Variants in ATP11B observed in about 807,000 individuals in gnomAD.
ATP11B encodes ATPase phospholipid transporting 11B (putative).
ATP11B carries 81 observed loss-of-function variants against 157.8 expected under a neutral mutation model. That is an observed-to-expected ratio of 0.51 (90% CI 0.43 to 0.62). The LOEUF (loss-of-function observed/expected upper bound fraction) is 0.62, where lower values mean the gene tolerates loss of function less well. Among genes scored for constraint, ATP11B ranks in the 20% least tolerant of loss-of-function variants. ATP11B has a pLI of 0.00. For synonymous variants in ATP11B, 451 were observed against 469.4 expected (o/e 0.96, Z 0.51); for missense variants, 1,165 against 1,402.2 (o/e 0.83, Z 2.70).
chr3:182,894,852 T>C (rs1032463950), intron 25 of ATP11B, among the ~76,000 whole-genome samples: 3 of 151,688 alleles, frequency 2.0e-5, no homozygotes, highest in African/African-American at 7.3e-5. Context: ...GGCACATGGC[T>C]CATACCTATA....
rs114953844 is a variant in ATP11B, at chr3:182,904,656, G to A, written c.3318+5884G>A. Reference sequence around the variant, plus strand: ...TAATCCCAGCATTTTGGGAGGCCAAGATGGGTGGATCCCTTAAGGTCAAGA... The same window carrying A: ...TAATCCCAGCATTTTGGGAGGCCAAAATGGGTGGATCCCTTAAGGTCAAGA... On this transcript the variant is annotated intron_variant, in intron 28 of 29. Transcript: ENST00000323116. Among the ~76,000 whole-genome samples, 1,461 of 152,306 alleles carry A rather than the reference G, an allele frequency of 9.6e-3. 25 individuals carry two copies. Among genetic ancestry groups the A allele is most frequent in the African/African-American group, 0.033 (1,387 of 41,580 alleles).
In ATP11B at chr3:182,793,669, G is replaced by C; in HGVS notation, c.-91G>C. The C allele has an allele frequency of 1.2e-6, 1 of 851,134 alleles. No homozygotes were observed. The highest frequency in any genetic ancestry group is 1.7e-6 in the Non-Finnish European group (1 of 594,748). 52.7% of individuals were successfully genotyped at this position (851,134 alleles called of 1,614,324 possible). The stretch of plus-strand genomic sequence containing the variant: ...GGTAAGCGGAACTTCGGCCCGAGGG[G>C]CTCGCCCGCTCCCGCCTCTGTCTTG... On this transcript the variant is annotated 5_prime_UTR_variant, in exon 1 of 30. Transcript: ENST00000323116.
At chr3:182,864,964 A>G (rs920238759) in intron 12 of ATP11B, among the ~76,000 whole-genome samples, 2 of 151,858 alleles carry the variant, frequency 1.3e-5, no homozygotes, top group Admixed American at 6.6e-5. Flanking sequence ...CTCAGTTTCA[A>G]CTTCTCTCTG....
chr3:182,848,972 T>C (rs1719755356), intron 10 of ATP11B, among the ~76,000 whole-genome samples: 2 of 152,186 alleles, frequency 1.3e-5, no homozygotes, highest in South Asian at 4.1e-4. Flanking sequence ...CTGAGGGCAC[T>C]CCCCAGTTTA....
intron 23 of ATP11B, 142 bp from the exon 24 acceptor site, chr3:182,887,444 A>T (rs529526259): frequency 6.8e-6 from 4 of 584,764 alleles, no homozygotes; most frequent in Non-Finnish European, 1.1e-5. Flanking sequence ...ACAAATTAGA[A>T]TTATTTAATT....
chr3:182,870,786 A>G (rs1307830243), intron 17 of ATP11B, among the ~76,000 whole-genome samples: 2 of 151,458 alleles, frequency 1.3e-5, no homozygotes, highest in Non-Finnish European at 2.9e-5. Flanking sequence ...ATCCTGGCTA[A>G]CAGGATGAAA....
rs1718551767 is a variant in ATP11B at position 182,836,338 on chromosome 3, A to G, written c.424-4A>G. On this transcript the variant is annotated splice_polypyrimidine_tract_variant and splice_region_variant and intron_variant, in intron 5 of 29. Coordinates refer to ENST00000323116, the MANE Select transcript of ATP11B (RefSeq NM_014616.3). ...AATTCACTCTTCCCCAAAATTCTTT[A>G]TAGGTGGGTGATATTGTTCGAATAG... The G allele has an allele frequency of 6.2e-7, 1 of 1,613,174 alleles. No individual in the cohort carries two copies. Among genetic ancestry groups the G allele is most frequent in the East Asian group, 2.2e-5 (1 of 44,860 alleles).
chr3:182,821,585 C>CTG (rs1717349211), intron 2 of ATP11B, among the ~76,000 whole-genome samples: 1 of 152,140 alleles, frequency 6.6e-6, no homozygotes. Context: ...AAGCTAAAGA[C>CTG]TGTAGAATAG....
intron 29 of ATP11B, chr3:182,914,826 T>C: frequency 1.0e-6 from 1 of 985,260 alleles, no homozygotes; most frequent in Non-Finnish European, 1.2e-6. Flanking sequence ...TGTTAGGGGG[T>C]AGAAAGAGCT....
chr3:182,793,917 G>A (rs1404541512), intron 1 of ATP11B, 131 bp downstream of exon 1: 1 of 477,226 alleles, frequency 2.1e-6, no homozygotes, highest in Non-Finnish European at 3.2e-6. Flanking sequence ...CCGCAGCGGA[G>A]ACGGGCGCGG....
chr3:182,905,499 ATGAAT>A (rs575101631), intron 28 of ATP11B, among the ~76,000 whole-genome samples: 37 of 152,358 alleles, frequency 2.4e-4, no homozygotes, highest in African/African-American at 8.4e-4. Context: ...TTGGTGGCAA[ATGAAT>A]TTAATAGAAG....
chr3:182,872,046 A>G (rs1284521846), intron 17 of ATP11B, among the ~76,000 whole-genome samples: 7 of 152,172 alleles, frequency 4.6e-5, no homozygotes, highest in Admixed American at 2.0e-4. Flanking sequence ...CGATCTCCTG[A>G]CCTCATGATC....
chr3:182,911,412 C>T (rs1724786463), intron 28 of ATP11B, among the ~76,000 whole-genome samples: 2 of 136,052 alleles, frequency 1.5e-5, no homozygotes, highest in South Asian at 4.8e-4. Flanking sequence ...CTCTTATAAT[C>T]ATAAGGCAGG....
intron 7 of ATP11B, among the ~76,000 whole-genome samples, chr3:182,839,487 T>C (rs1484846713): frequency 6.6e-6 from 1 of 152,106 alleles, no homozygotes; most frequent in Non-Finnish European, 1.5e-5. Flanking sequence ...CAAGATGGAA[T>C]CATTGATAGC....
At chr3:182,818,407 T>TA (rs1717099894) in intron 1 of ATP11B, among the ~76,000 whole-genome samples, 1 of 152,234 alleles carries the variant, frequency 6.6e-6, no homozygotes, top group African/African-American at 2.4e-5. Flanking sequence ...ATTTTTTCCT[T>TA]AAAGAGACTG....
chr3:182,845,207 AT>A (rs1273773429), intron 8 of ATP11B, among the ~76,000 whole-genome samples: 1 of 151,824 alleles, frequency 6.6e-6, no homozygotes, highest in Non-Finnish European at 1.5e-5. Flanking sequence ...GGGTTTCACC[AT>A]GTTGCCCAGG....
chr3:182,898,971 TAA>T (rs1485225496), intron 28 of ATP11B, among the ~76,000 whole-genome samples, 199 bp downstream of exon 28: 4 of 152,230 alleles, frequency 2.6e-5, no homozygotes, highest in East Asian at 1.9e-4. Flanking sequence ...TGACTACTGA[TAA>T]GTTATTTTTT....
At chr3:182,843,219 G>C (rs1719189032) in intron 8 of ATP11B, among the ~76,000 whole-genome samples, 1 of 152,144 alleles carries the variant, frequency 6.6e-6, no homozygotes, top group African/African-American at 2.4e-5. Flanking sequence ...AAAGCACTTT[G>C]CATTTCATCT....
At chr3:182,830,947 T>C (rs2108506483) in intron 4 of ATP11B, among the ~76,000 whole-genome samples, 1 of 152,318 alleles carries the variant, frequency 6.6e-6, no homozygotes, top group Non-Finnish European at 1.5e-5. Flanking sequence ...AGATGTCATT[T>C]ATTTCAACAA....
Sources: gnomAD v4.1 joint callset for allele counts (sites outside exome capture counted in the v4.1 genomes callset) on GRCh38, gnomAD v4.1.1 for gene constraint, MANE v1.5 for transcripts, NCBI Gene and HGNC (gene_info 2026-07-23, HGNC 2026-07-21) for gene names.